TRIM4: variants seen among roughly 807,000 people sequenced by gnomAD.
TRIM4 encodes E3 ubiquitin-protein ligase TRIM4.
In TRIM4, 29 loss-of-function variants were observed where a neutral mutation model predicts 33.7. That is an observed-to-expected ratio of 0.86 (90% CI 0.64 to 1.17). The LOEUF is 1.17. TRIM4 is among the 50% of genes most tolerant of loss of function. TRIM4 has a pLI of 0.00. For missense variants in TRIM4, 554 were observed against 593.7 expected, an observed-to-expected ratio of 0.93 and a Z score of 0.69; for synonymous variants, 224 against 233.0, an observed-to-expected ratio of 0.96 and a Z score of 0.35.
At chr7:99,894,266 C>T (rs1473568461) in intron 5 of TRIM4, among the ~76,000 whole-genome samples, 1 of 152,096 alleles carries the variant, frequency 6.6e-6, no homozygotes, top group Non-Finnish European at 1.5e-5. Context: ...TAATACAGGC[C>T]TCACAGAAAG....
At chr7:99,911,263 T>C (rs1263264079) in intron 1 of TRIM4, among the ~76,000 whole-genome samples, 1 of 152,138 alleles carries the variant, frequency 6.6e-6, no homozygotes, top group Non-Finnish European at 1.5e-5. Context: ...CAACTACATT[T>C]AAGCAGTATG....
At chr7:99,893,230 G>C (rs1439393554) in intron 5 of TRIM4, among the ~76,000 whole-genome samples, 2 of 152,074 alleles carry the variant, frequency 1.3e-5, no homozygotes, top group Non-Finnish European at 2.9e-5. Flanking sequence ...TCGTGCCACT[G>C]CACTCCAGCC....
chr7:99,909,973 C>T (rs1819403743), intron 1 of TRIM4, among the ~76,000 whole-genome samples: 1 of 152,018 alleles, frequency 6.6e-6, no homozygotes, highest in Admixed American at 6.6e-5. Flanking sequence ...CTCAACAGAT[C>T]CTCCCACCTC....
rs140303682 is a variant in TRIM4, at chr7:99,909,938, C to G, written c.394-278G>C. On this transcript the variant is annotated intron_variant, in intron 1 of 5. Transcript: ENST00000349062. Reference sequence around the variant, plus strand: ...GTAGAGACAAAGTCTCCCTATGTTGCCCAGGCTGGTCTTGAACTCCTGGGC... The same window carrying G: ...GTAGAGACAAAGTCTCCCTATGTTGGCCAGGCTGGTCTTGAACTCCTGGGC... Among the ~76,000 whole-genome samples the G allele has an allele frequency of 2.5e-3, 377 of 151,940 alleles. 1 individual carries two copies. Among genetic ancestry groups the G allele is most frequent in the African/African-American group, 8.3e-3 (344 of 41,458 alleles).
intron 1 of TRIM4, among the ~76,000 whole-genome samples, chr7:99,917,380 C>G (rs1819579053): frequency 6.6e-6 from 1 of 152,256 alleles, no homozygotes; most frequent in Non-Finnish European, 1.5e-5. Flanking sequence ...GCTGGTACAA[C>G]TGTACAGTAT....
chr7:99,892,619 A>G lies in TRIM4; in HGVS notation c.969T>C (p.Ala323=), dbSNP rs557171802. The change falls in exon 6 of 6, where the codon GCT becomes GCC. Residue 323 remains alanine, a synonymous_variant. Coordinates refer to ENST00000349062, the MANE Select transcript of TRIM4 (RefSeq NM_033091.3). Reference sequence around the variant, plus strand: ...CAGTCTTCTGAGGATTCCTCCATCCAGCAAAGTAGTTCCATGCTGAAGAAA... The same window carrying G: ...CAGTCTTCTGAGGATTCCTCCATCCGGCAAAGTAGTTCCATGCTGAAGAAA... ...PVFSSAWNYF[A]GWRNPQKTAF... 5.6e-6 allele frequency: 9 copies of G among 1,614,242 alleles called. No individual in the cohort carries two copies. The African/African-American group carries it at 1.1e-4, about 19-fold the overall frequency.
rs527965753 is a variant in TRIM4, at chr7:99,914,086, C to A, written c.394-4426G>T. 9.2e-5 allele frequency among the ~76,000 whole-genome samples: 14 copies of A among 152,268 alleles called. No individual in the cohort carries two copies. The South Asian group carries it at 2.9e-3, about 32-fold the overall frequency. On this transcript the variant is annotated intron_variant, in intron 1 of 5. Transcript: ENST00000349062. ...ATATACCTCAAATCTACCTACATGC[C>A]AAACCCCACTGCCACCGCTAGTTGA...
chr7:99,919,431 G>T lies in TRIM4; in HGVS notation c.-30C>A. 6.7e-7 allele frequency: 1 copy of T among 1,498,062 alleles called. No homozygotes were observed. The highest frequency in any genetic ancestry group is 1.3e-5 in the South Asian group (1 of 76,600). The allele number at this position is 1,498,062 out of a possible 1,614,324, so 92.8% of individuals were successfully genotyped here. On this transcript the variant is annotated 5_prime_UTR_variant, in exon 1 of 6. Coordinates refer to ENST00000349062, the MANE Select transcript of TRIM4 (RefSeq NM_033091.3). ...CTTCCCTGCCGCGGAGACGGAGTCC[G>T]ACGTGAGGCGCGGGAGAGGCCAGCA...
chr7:99,893,947 G>A (rs1242753381), intron 5 of TRIM4, among the ~76,000 whole-genome samples: 1 of 149,910 alleles, frequency 6.7e-6, no homozygotes, highest in African/African-American at 2.5e-5. Flanking sequence ...TGCTTCCACT[G>A]AGACAATCAC....
intron 5 of TRIM4, among the ~76,000 whole-genome samples, chr7:99,902,879 C>T (rs1339021362): frequency 6.6e-6 from 1 of 151,912 alleles, no homozygotes; most frequent in Non-Finnish European, 1.5e-5. Context: ...CCATCTCGCC[C>T]CCAACAGAGC....
chr7:99,919,389 C>T lies in TRIM4; in HGVS notation c.13G>A (p.Asp5Asn), dbSNP rs763155379. The T allele has an allele frequency of 1.9e-6, 3 of 1,565,202 alleles. No homozygotes were observed. MEAE[D>N]IQEELTCPIC... The stretch of plus-strand genomic sequence containing the variant: ...GGGCAGGTCAACTCCTCCTGGATGT[C>T]CTCAGCTTCCATGCTGCTTCCCTGC... The change falls in exon 1 of 6, where the codon GAC becomes AAC. Residue 5 changes from aspartate to asparagine, a missense_variant. Transcript: ENST00000349062.
intron 5 of TRIM4, chr7:99,902,038 T>C (rs1819185029): frequency 1.3e-6 from 1 of 744,718 alleles, no homozygotes; most frequent in South Asian, 1.4e-5. Flanking sequence ...AGGCAGAGGG[T>C]AGGGCAATCA....
chr7:99,913,591 A>G (rs1372983661), intron 1 of TRIM4, among the ~76,000 whole-genome samples: 2 of 152,104 alleles, frequency 1.3e-5, no homozygotes, highest in Non-Finnish European at 1.5e-5. Flanking sequence ...AAATCGCTTG[A>G]ACCCGGGAGG....
intron 2 of TRIM4, 127 bp downstream of exon 2, chr7:99,909,438 G>C (rs183936802): frequency 1.4e-6 from 1 of 690,412 alleles, no homozygotes; most frequent in East Asian, 2.7e-5. Context: ...GGAAACAGAG[G>C]TTCTGAGGCA....
At position 99,891,128 on chromosome 7, in the gene TRIM4, T is replaced by A. The variant is rs1297177632; in HGVS notation, c.*1035A>T. ...GAGCAGAAGGGTAGACTGAGGAAAA[T>A]ATACACAGTATAAAAAAGTAACAAA... On this transcript the variant is annotated 3_prime_UTR_variant, in exon 6 of 6. Transcript: ENST00000349062. 1 of 152,086 alleles carries A rather than the reference T, an allele frequency of 6.6e-6. No individual in the cohort carries two copies. Among genetic ancestry groups the A allele is most frequent in the Non-Finnish European group, 1.5e-5 (1 of 68,010 alleles). 9.4% of individuals were successfully genotyped at this position (152,086 alleles called of 1,614,324 possible).
At chr7:99,897,467 G>A (rs1819043805) in intron 5 of TRIM4, among the ~76,000 whole-genome samples, 1 of 152,096 alleles carries the variant, frequency 6.6e-6, no homozygotes, top group South Asian at 2.1e-4. Context: ...AAATGTTTGA[G>A]GTGATGAATA....
At position 99,903,303 on chromosome 7, in the gene TRIM4, C is replaced by T. The variant is rs147711327; in HGVS notation, c.756G>A (p.Gln252=). The T allele has an allele frequency of 6.2e-7, 1 of 1,610,438 alleles. No homozygotes were observed. The highest frequency in any genetic ancestry group is 1.1e-5 in the South Asian group (1 of 90,836). ...CAGCTTCAAGAGAATAGTTCACATCCTGGATCTCACTCCTAAGAAGGTAGA... is the reference window on the plus strand; with the variant it reads ...CAGCTTCAAGAGAATAGTTCACATCTTGGATCTCACTCCTAAGAAGGTAGA... The part of the protein sequence containing the change: ...PKEVLTRSEI[Q]DVNYSLEAVK... Residue 252 remains glutamine, a synonymous_variant, in exon 5 of 6, where the codon CAG becomes CAA. Coordinates refer to ENST00000349062, the MANE Select transcript of TRIM4 (RefSeq NM_033091.3).
intron 5 of TRIM4, chr7:99,901,207 T>C (rs1819159336): frequency 6.6e-6 from 1 of 152,248 alleles, no homozygotes; most frequent in Non-Finnish European, 1.5e-5. Context: ...CAATTTTTTC[T>C]TTTGTAATAT....
intron 2 of TRIM4, among the ~76,000 whole-genome samples, chr7:99,909,287 G>C (rs972542787): frequency 6.6e-6 from 1 of 152,006 alleles, no homozygotes; most frequent in African/African-American, 2.4e-5. Context: ...AGAGACATGG[G>C]GATGAAGTAT....
Sources: gnomAD v4.1 joint callset for allele counts (sites outside exome capture counted in the v4.1 genomes callset) on GRCh38, gnomAD v4.1.1 for gene constraint, MANE v1.5 for transcripts, NCBI Gene and HGNC (gene_info 2026-07-23, HGNC 2026-07-21) for gene names.